LDLRAD4: variants seen among roughly 807,000 people sequenced by gnomAD.
LDLRAD4 encodes low density lipoprotein receptor class A domain containing 4, also known as low-density lipoprotein receptor class A domain-containing protein 4.
Under a neutral mutation model 17.0 loss-of-function variants are expected in LDLRAD4, and 5 were observed. The ratio of observed to expected loss-of-function variants is 0.29; its 90% CI spans 0.15 to 0.62. The LOEUF (loss-of-function observed/expected upper bound fraction) is 0.62. Ranked by LOEUF, LDLRAD4 falls within the 20% of genes least tolerant of loss-of-function variation. LDLRAD4 has a pLI of 0.84. For missense variants in LDLRAD4, 340 were observed against 424.7 expected (o/e 0.80, Z 1.75); for synonymous variants, 168 against 171.8 (o/e 0.98, Z 0.17).
chr18:13,576,873 G>A (rs969891457), intron 3 of LDLRAD4, among the ~76,000 whole-genome samples: 5 of 152,254 alleles, frequency 3.3e-5, no homozygotes, highest in Non-Finnish European at 7.3e-5. Context: ...GCTCCGCTCA[G>A]AGAAACTGCC....
chr18:13,528,767 G>A (rs982808138), intron 3 of LDLRAD4, among the ~76,000 whole-genome samples: 1 of 152,210 alleles, frequency 6.6e-6, no homozygotes, highest in Admixed American at 6.5e-5. Flanking sequence ...TAACACCCGT[G>A]GTTCCCATTG....
intron 2 of LDLRAD4, among the ~76,000 whole-genome samples, chr18:13,429,805 C>T (rs904375913): frequency 2.6e-5 from 4 of 152,194 alleles, no homozygotes; most frequent in South Asian, 2.1e-4. Flanking sequence ...TGCCGCAGGT[C>T]GCGAGGCCCC....
intron 2 of LDLRAD4, among the ~76,000 whole-genome samples, chr18:13,428,096 A>G (rs1396208708): frequency 6.6e-6 from 1 of 152,238 alleles, no homozygotes; most frequent in East Asian, 1.9e-4. Flanking sequence ...CCCTGCCCTC[A>G]TGTAGTTTAT....
At chr18:13,492,446 G>C (rs116930163) in intron 3 of LDLRAD4, among the ~76,000 whole-genome samples, 4 of 152,164 alleles carry the variant, frequency 2.6e-5, no homozygotes, top group Non-Finnish European at 4.4e-5. Context: ...CTTCCCCCCC[G>C]GGTCTGAATC....
chr18:13,538,659 G>A (rs2094233908), intron 3 of LDLRAD4, among the ~76,000 whole-genome samples: 1 of 152,024 alleles, frequency 6.6e-6, no homozygotes, highest in Non-Finnish European at 1.5e-5. Context: ...CCATTAGCTG[G>A]GACTACAGGT....
At chr18:13,499,760 C>T (rs954953043) in intron 3 of LDLRAD4, among the ~76,000 whole-genome samples, 5 of 152,150 alleles carry the variant, frequency 3.3e-5, no homozygotes, top group African/African-American at 7.2e-5. Context: ...CACGTCCAGC[C>T]GTGGACACTG....
chr18:13,542,709 C>T (rs2094302943), intron 3 of LDLRAD4, among the ~76,000 whole-genome samples: 1 of 152,218 alleles, frequency 6.6e-6, no homozygotes, highest in Non-Finnish European at 1.5e-5. Flanking sequence ...ACACTTTCCT[C>T]TGCACTTACT....
intron 3 of LDLRAD4, among the ~76,000 whole-genome samples, chr18:13,532,699 C>T (rs1336723171): frequency 2.6e-5 from 4 of 152,242 alleles, no homozygotes; most frequent in African/African-American, 2.4e-5. Flanking sequence ...CCACCTTCAT[C>T]GGACTTGGCA....
At chr18:13,511,297 G>A (rs1226195052) in intron 3 of LDLRAD4, among the ~76,000 whole-genome samples, 9 of 152,200 alleles carry the variant, frequency 5.9e-5, no homozygotes, top group African/African-American at 2.2e-4. Context: ...CACTTTGGGA[G>A]GCTGAGGCGG....
At chr18:13,279,323 G>A (rs539773948) in intron 1 of LDLRAD4, 6 of 152,360 alleles carry the variant, frequency 3.9e-5, no homozygotes, top group South Asian at 4.1e-4. Context: ...GGGTGTGGAG[G>A]AGCTGTTTTT....
chr18:13,562,147 T>A lies in LDLRAD4; in HGVS notation c.182-58970T>A, dbSNP rs1248854130. On this transcript the variant is annotated intron_variant, in intron 3 of 5. Coordinates refer to ENST00000359446, the Ensembl canonical transcript of LDLRAD4. ...ATGTGTCCTTGGACAAGTTGCTTGA[T>A]GTCTCTGAGTTTCCATTTCCTCATC... 5.3e-5 allele frequency among the ~76,000 whole-genome samples: 8 copies of A among 152,250 alleles called. No individual in the cohort carries two copies. In the East Asian group the frequency reaches 1.3e-3, roughly 26 times the overall value.
intron 1 of LDLRAD4, among the ~76,000 whole-genome samples, chr18:13,316,801 A>G (rs1172251175): frequency 1.3e-5 from 2 of 152,236 alleles, no homozygotes; most frequent in African/African-American, 4.8e-5. Context: ...GTGGTGACAG[A>G]GGAGGGAAAA....
At chr18:13,485,596 C>T (rs568280450) in intron 3 of LDLRAD4, among the ~76,000 whole-genome samples, 181 of 152,300 alleles carry the variant, frequency 1.2e-3, no homozygotes, top group African/African-American at 3.8e-3. Context: ...CTGCTGGGCC[C>T]GGGGCGTGGC....
chr18:13,325,484 G>C (rs950728262), intron 1 of LDLRAD4, among the ~76,000 whole-genome samples: 1 of 152,104 alleles, frequency 6.6e-6, no homozygotes, highest in Non-Finnish European at 1.5e-5. Flanking sequence ...ACCTCCCCTC[G>C]CTGCCCGGCC....
At chr18:13,504,749 T>C (rs2093664191) in intron 3 of LDLRAD4, among the ~76,000 whole-genome samples, 1 of 152,204 alleles carries the variant, frequency 6.6e-6, no homozygotes, top group Admixed American at 6.5e-5. Flanking sequence ...ATTTTTAGAA[T>C]ACACACTTTC....
chr18:13,321,356 C>T (rs551165507), intron 1 of LDLRAD4, among the ~76,000 whole-genome samples: 1 of 152,332 alleles, frequency 6.6e-6, no homozygotes, highest in African/African-American at 2.4e-5. Flanking sequence ...GGCCTATCGC[C>T]GTGTGATGTT....
rs57286846 is a variant in LDLRAD4 at position 13,603,518 on chromosome 18, A to T, written c.182-17599A>T. Among the ~76,000 whole-genome samples the T allele has an allele frequency of 1.4e-3, 218 of 152,230 alleles. 5 individuals carry two copies. In the East Asian group the frequency reaches 0.023, roughly 16 times the overall value. On this transcript the variant is annotated intron_variant, in intron 3 of 5. Coordinates refer to ENST00000359446, the Ensembl canonical transcript of LDLRAD4. ...TGTGTGACTTTGGGCAAATTACTTA[A>T]CCTTTCTGTGCCTCTATTCTCTCAC... is the stretch of plus-strand genomic sequence containing the variant.
chr18:13,597,558 G>A (rs2095110629), intron 3 of LDLRAD4, among the ~76,000 whole-genome samples: 1 of 151,400 alleles, frequency 6.6e-6, no homozygotes, highest in African/African-American at 2.4e-5. Context: ...TAATGTGTAT[G>A]TTGGTGTGAT....
chr18:13,353,095 A>T (rs781127426), intron 1 of LDLRAD4, among the ~76,000 whole-genome samples: 2 of 152,138 alleles, frequency 1.3e-5, no homozygotes, highest in Admixed American at 1.3e-4. Flanking sequence ...TAGTATATCC[A>T]GTGCCTATGT....
Sources: gnomAD v4.1 joint callset for allele counts (sites outside exome capture counted in the v4.1 genomes callset) on GRCh38, gnomAD v4.1.1 for gene constraint, MANE v1.5 for transcripts, NCBI Gene and HGNC (gene_info 2026-07-23, HGNC 2026-07-21) for gene names.